The following LPP variants were observed in gnomAD, a reference collection of about 807,000 sequenced individuals.
LPP encodes LIM domain containing preferred translocation partner in lipoma.
In LPP, 38 loss-of-function variants were observed where a neutral mutation model predicts 60.4. The observed-to-expected ratio is 0.63, with a 90% CI of 0.49 to 0.83. The LOEUF (loss-of-function observed/expected upper bound fraction) is 0.83. LPP is among the 40% of genes least tolerant of loss of function. The pLI, the probability that LPP is intolerant of heterozygous loss-of-function variation, is 0.00. For synonymous variants in LPP, 328 were observed against 290.8 expected (o/e 1.13, Z -1.30); for missense variants, 902 against 783.6 (o/e 1.15, Z -1.80).
intron 4 of LPP, among the ~76,000 whole-genome samples, chr3:188,424,088 A>T (rs1001288631): frequency 6.6e-6 from 1 of 151,902 alleles, no homozygotes; most frequent in Non-Finnish European, 1.5e-5. Context: ...TATGGTTTTA[A>T]GTCTCACATT....
At chr3:188,524,411 C>T (rs1430017428) in intron 5 of LPP, among the ~76,000 whole-genome samples, 1 of 152,082 alleles carries the variant, frequency 6.6e-6, no homozygotes, top group East Asian at 1.9e-4. Flanking sequence ...TTATTTTAAA[C>T]AACAACAACG....
intron 5 of LPP, among the ~76,000 whole-genome samples, chr3:188,514,923 A>C (rs1452471879): frequency 6.6e-6 from 1 of 152,178 alleles, no homozygotes; most frequent in East Asian, 1.9e-4. Context: ...TTTTGGCAAC[A>C]AAGAATGGGG....
intron 6 of LPP, among the ~76,000 whole-genome samples, chr3:188,554,598 C>T (rs1435830214): frequency 6.6e-6 from 1 of 152,168 alleles, no homozygotes; most frequent in Non-Finnish European, 1.5e-5. Context: ...TCTTTCTAGT[C>T]CAGCACAGCT....
At chr3:188,594,991 A>G (rs1580253038) in intron 6 of LPP, among the ~76,000 whole-genome samples, 1 of 152,224 alleles carries the variant, frequency 6.6e-6, no homozygotes. Flanking sequence ...TATTACCTCT[A>G]CAGTTCCTGA....
intron 2 of LPP, among the ~76,000 whole-genome samples, chr3:188,255,097 T>A (rs79350462): frequency 0.11 from 17,311 of 152,238 alleles, 1,050 homozygotes; most frequent in South Asian, 0.15. Flanking sequence ...AACACAAGGC[T>A]GTGAGTTGTT....
chr3:188,829,558 G>C (rs539099410), intron 9 of LPP, among the ~76,000 whole-genome samples: 1 of 152,310 alleles, frequency 6.6e-6, no homozygotes, highest in Admixed American at 6.5e-5. Context: ...TAGAGTCACT[G>C]TGTGAGGTAC....
chr3:188,609,854 T>C lies in LPP; in HGVS notation c.1113+10T>C, dbSNP rs753446308. 3 of 1,602,374 alleles carry C rather than the reference T, an allele frequency of 1.9e-6. No homozygotes were observed. The highest frequency in any genetic ancestry group is 2.6e-6 in the Non-Finnish European group (3 of 1,174,928). On this transcript the variant is annotated intron_variant, in intron 7 of 11. Transcript: ENST00000617246. The surrounding 1 kb of genome is among the most constrained non-coding windows in gnomAD (Gnocchi z 6.9). ...ACCATTGCAGCCAAAGGTAAGAAAC[T>C]CAGTAACATAAGGAGGAGAATACAG...
intron 1 of LPP, chr3:188,179,054 GA>G (rs1724015599): frequency 2.2e-5 from 7 of 315,300 alleles, no homozygotes; most frequent in Non-Finnish European, 3.8e-5. Context: ...GAGAGAGAGA[GA>G]GAGAGAGAGA....
chr3:188,867,087 G>A (rs1425676577), intron 10 of LPP, among the ~76,000 whole-genome samples: 1 of 151,886 alleles, frequency 6.6e-6, no homozygotes, highest in Non-Finnish European at 1.5e-5. Flanking sequence ...AGTTATTCAT[G>A]GGCCCAAAAT....
chr3:188,462,544 T>TATATATATAAATA (rs1799236891), intron 4 of LPP, among the ~76,000 whole-genome samples: 63 of 34,200 alleles, frequency 1.8e-3, no homozygotes, highest in Admixed American at 4.1e-3. Flanking sequence ...TATATGAGCT[T>TATATATATAAATA]TATATATATA....
At chr3:188,366,426 C>T (rs1038363452) in intron 3 of LPP, among the ~76,000 whole-genome samples, 4 of 152,132 alleles carry the variant, frequency 2.6e-5, no homozygotes, top group African/African-American at 9.7e-5. Context: ...AGGGCACTCT[C>T]TTTCCCTCAC....
At chr3:188,216,273 C>T (rs1462728167) in intron 1 of LPP, among the ~76,000 whole-genome samples, 169 of 131,154 alleles carry the variant, frequency 1.3e-3, no homozygotes, top group African/African-American at 4.3e-3. Flanking sequence ...CTTCTTCTTC[C>T]TTTTTTTTTT....
chr3:188,515,495 G>A (rs75350098), intron 5 of LPP, among the ~76,000 whole-genome samples: 6,506 of 152,168 alleles, frequency 0.043, 413 homozygotes, highest in African/African-American at 0.14. Context: ...TGCAAAAATG[G>A]CCTAATGTAA....
chr3:188,840,049 T>TA (rs1327599170), intron 9 of LPP, among the ~76,000 whole-genome samples: 3 of 152,120 alleles, frequency 2.0e-5, no homozygotes, highest in Admixed American at 2.0e-4. Flanking sequence ...ATTCCAGTCT[T>TA]ACCTCCTAGA....
chr3:188,390,182 C>G (rs1283925762), intron 3 of LPP, among the ~76,000 whole-genome samples: 1 of 152,122 alleles, frequency 6.6e-6, no homozygotes, highest in African/African-American at 2.4e-5. Context: ...TGCAATCTTT[C>G]CATTGTTGTG....
At chr3:188,483,108 G>A (rs1378550122) in intron 4 of LPP, among the ~76,000 whole-genome samples, 3 of 152,204 alleles carry the variant, frequency 2.0e-5, no homozygotes, top group African/African-American at 7.2e-5. Context: ...CTGGCATGGT[G>A]CGAGTCTAGT....
chr3:188,862,300 G>A (rs1428649884), intron 9 of LPP, among the ~76,000 whole-genome samples: 1 of 152,180 alleles, frequency 6.6e-6, no homozygotes, highest in Non-Finnish European at 1.5e-5. Flanking sequence ...TTTAGTCATA[G>A]AGGTTGACAT....
intron 7 of LPP, among the ~76,000 whole-genome samples, chr3:188,641,277 C>G (rs1171555242): frequency 6.6e-6 from 1 of 152,140 alleles, no homozygotes; most frequent in East Asian, 1.9e-4. Flanking sequence ...GTTCTCCAGC[C>G]AGAGCGAGAG....
chr3:188,318,152 C>T (rs897049069), intron 2 of LPP, among the ~76,000 whole-genome samples: 3 of 152,120 alleles, frequency 2.0e-5, no homozygotes, highest in African/African-American at 4.8e-5. Context: ...TTCTTTGCAT[C>T]GTGCAGTTTA....
Sources: gnomAD v4.1 joint callset for allele counts (sites outside exome capture counted in the v4.1 genomes callset) on GRCh38, gnomAD v4.1.1 for gene constraint, Gnocchi (gnomAD v3.1) non-coding constraint, MANE v1.5 for transcripts, NCBI Gene and HGNC (gene_info 2026-07-23, HGNC 2026-07-21) for gene names.